LCORL: variants seen among roughly 807,000 people sequenced by gnomAD.
The protein encoded by LCORL is ligand-dependent nuclear receptor corepressor-like protein.
Under a neutral mutation model 141.8 loss-of-function variants are expected in LCORL, and 41 were observed. That is an observed-to-expected ratio of 0.29 (90% CI 0.23 to 0.38). The LOEUF is 0.38. LCORL is among the 10% of genes least tolerant of loss of function. LCORL has a pLI of 1.00. For synonymous variants in LCORL, 618 were observed against 694.1 expected, an observed-to-expected ratio of 0.89 and a Z score of 1.72; for missense variants, 1,759 against 2,035.0, an observed-to-expected ratio of 0.86 and a Z score of 2.61.
At chr4:17,916,443 T>C (rs1733426367) in intron 4 of LCORL, among the ~76,000 whole-genome samples, 3 of 152,112 alleles carry the variant, frequency 2.0e-5, no homozygotes, top group Admixed American at 2.0e-4. Flanking sequence ...TCTCCCTCAG[T>C]CCACGTGAGA....
chr4:17,975,374 G>A (rs184790109), intron 1 of LCORL, among the ~76,000 whole-genome samples: 2 of 151,664 alleles, frequency 1.3e-5, no homozygotes, highest in African/African-American at 4.8e-5. Context: ...GTATTATTCA[G>A]AAATCTTTCT....
intron 4 of LCORL, among the ~76,000 whole-genome samples, chr4:17,927,169 C>T (rs974407019): frequency 2.6e-5 from 4 of 152,226 alleles, no homozygotes; most frequent in Non-Finnish European, 4.4e-5. Context: ...GTAATGGAGA[C>T]AGCTTTCTTT....
intron 5 of LCORL, among the ~76,000 whole-genome samples, chr4:17,891,193 C>T (rs747425823): frequency 2.0e-5 from 3 of 152,016 alleles, no homozygotes; most frequent in African/African-American, 4.8e-5. Context: ...TCACAACAAC[C>T]GGATGGCATA....
intron 5 of LCORL, among the ~76,000 whole-genome samples, chr4:17,887,978 T>C (rs1331643932): frequency 6.6e-6 from 1 of 152,016 alleles, no homozygotes; most frequent in African/African-American, 2.4e-5. Context: ...CAGAACACAA[T>C]GTAGAGTTGG....
At chr4:17,874,190 C>T in exon 7 of LCORL, 1 of 1,233,942 alleles carries the variant, frequency 8.1e-7, no homozygotes, top group South Asian at 4.1e-5. Context: ...GATGCAACCT[C>T]TTAAACTCAG....
chr4:17,954,002 A>T (rs1256078890), intron 4 of LCORL, among the ~76,000 whole-genome samples: 1 of 152,102 alleles, frequency 6.6e-6, no homozygotes, highest in Non-Finnish European at 1.5e-5. Flanking sequence ...TCTCTACTAA[A>T]AATACAAAAA....
chr4:17,897,141 C>A (rs1218449002), intron 5 of LCORL, among the ~76,000 whole-genome samples: 5 of 145,388 alleles, frequency 3.4e-5, no homozygotes, highest in African/African-American at 1.0e-4. Flanking sequence ...TAGGTTTCTT[C>A]CAAATCTTGG....
intron 7 of LCORL, among the ~76,000 whole-genome samples, chr4:17,862,710 T>C (rs1725151802): frequency 6.6e-6 from 1 of 152,256 alleles, no homozygotes; most frequent in South Asian, 2.1e-4. Context: ...TTACACCATA[T>C]ACAAAAATCA....
At chr4:17,995,189 T>C (rs542560641) in intron 1 of LCORL, among the ~76,000 whole-genome samples, 38 of 149,726 alleles carry the variant, frequency 2.5e-4, no homozygotes, top group Middle Eastern at 3.4e-3. Context: ...GGGTAACCAC[T>C]ACCTTTCTTT....
intron 1 of LCORL, among the ~76,000 whole-genome samples, chr4:18,019,060 TA>T (rs558689202): frequency 6.6e-6 from 1 of 152,180 alleles, no homozygotes; most frequent in African/African-American, 2.4e-5. Context: ...CCTAAGATGC[TA>T]AAAAAAGCCC....
chr4:17,939,524 T>C (rs1194477767), intron 4 of LCORL, among the ~76,000 whole-genome samples: 1 of 152,198 alleles, frequency 6.6e-6, no homozygotes, highest in African/African-American at 2.4e-5. Flanking sequence ...AGAATGTTCA[T>C]AGCAGCCTCA....
intron 5 of LCORL, among the ~76,000 whole-genome samples, chr4:17,904,135 TATTC>T (rs1483585641): frequency 1.3e-5 from 2 of 152,074 alleles, no homozygotes; most frequent in African/African-American, 4.8e-5. Flanking sequence ...GGTAAATACT[TATTC>T]ACTCAGAGGC....
At chr4:17,907,430 A>C (rs1370424375) in intron 5 of LCORL, among the ~76,000 whole-genome samples, 1 of 152,216 alleles carries the variant, frequency 6.6e-6, no homozygotes, top group Non-Finnish European at 1.5e-5. Flanking sequence ...TAACTTAAGT[A>C]AGTAGCAGAG....
chr4:17,981,427 T>C (rs566890000), intron 1 of LCORL, among the ~76,000 whole-genome samples: 1 of 152,296 alleles, frequency 6.6e-6, no homozygotes, highest in South Asian at 2.1e-4. Context: ...CAGTTCTCTA[T>C]TACTGAGTTT....
chr4:17,999,328 TG>T (rs1343483817), intron 1 of LCORL, among the ~76,000 whole-genome samples: 1 of 150,870 alleles, frequency 6.6e-6, no homozygotes, highest in Non-Finnish European at 1.5e-5. Flanking sequence ...GTGGTGGAGG[TG>T]TGTAGTCCCA....
At chr4:17,974,005 A>AT (rs1401071109) in intron 1 of LCORL, among the ~76,000 whole-genome samples, 1 of 152,078 alleles carries the variant, frequency 6.6e-6, no homozygotes, top group Non-Finnish European at 1.5e-5. Flanking sequence ...ACTAGTTCCC[A>AT]TGAGTAGAAA....
chr4:17,874,164 C>T, exon 7 of LCORL: 1 of 1,233,980 alleles, frequency 8.1e-7, no homozygotes, highest in Non-Finnish European at 1.0e-6. Context: ...CTTTCCCTCT[C>T]TTTTCCACCT....
chr4:17,873,797 C>T (rs1490477600), exon 7 of LCORL: 3 of 1,233,890 alleles, frequency 2.4e-6, no homozygotes, highest in Non-Finnish European at 1.0e-6. Context: ...TGAGCTTCCT[C>T]AAAAATATTC....
At chr4:17,924,936 T>G (rs776609209) in intron 4 of LCORL, among the ~76,000 whole-genome samples, 1 of 152,148 alleles carries the variant, frequency 6.6e-6, no homozygotes, top group Non-Finnish European at 1.5e-5. Context: ...GTTTCTCCCA[T>G]AGCCAGGATT....
Sources: allele counts gnomAD v4.1 joint callset (sites outside exome capture counted in the v4.1 genomes callset), GRCh38; gene constraint gnomAD v4.1.1; transcripts MANE v1.5; gene names NCBI Gene and HGNC (gene_info 2026-07-23, HGNC 2026-07-21).